The following HHLA1 variants were observed in gnomAD, a reference collection of about 807,000 sequenced individuals.
HHLA1 encodes HERV-H LTR-associating protein 1.
HHLA1 carries 72 observed loss-of-function variants against 69.9 expected under a neutral mutation model. The observed-to-expected ratio is 1.03, with a 90% confidence interval of 0.85 to 1.25. The LOEUF (loss-of-function observed/expected upper bound fraction) is 1.25. Among genes scored for constraint, HHLA1 ranks in the 50% most tolerant of loss-of-function variants. The probability of loss-of-function intolerance (pLI) is 0.00; values close to 1 mark genes in which losing one functional copy is unlikely to be tolerated. For missense variants in HHLA1, 685 were observed against 642.2 expected (o/e 1.07, Z -0.72); for synonymous variants, 252 against 233.2 (o/e 1.08, Z -0.73).
intron 10 of HHLA1, chr8:132,080,357 G>T: frequency 2.9e-6 from 1 of 349,470 alleles, no homozygotes; most frequent in South Asian, 2.2e-5. Context: ...GGAGATAAGG[G>T]TGGGGCCGTT....
intron 3 of HHLA1, among the ~76,000 whole-genome samples, chr8:132,102,259 T>C (rs1824121808): frequency 6.6e-6 from 1 of 152,254 alleles, no homozygotes; most frequent in Non-Finnish European, 1.5e-5. Context: ...GACATTTAGG[T>C]TGCTATCTTC....
chr8:132,104,560 A>G (rs1318157577), intron 2 of HHLA1, among the ~76,000 whole-genome samples: 2 of 152,210 alleles, frequency 1.3e-5, no homozygotes, highest in African/African-American at 4.8e-5. Flanking sequence ...GCATTTGAGT[A>G]GGATTTATCT....
chr8:132,104,536 C>G (rs1824172491), intron 2 of HHLA1, among the ~76,000 whole-genome samples: 1 of 151,984 alleles, frequency 6.6e-6, no homozygotes, highest in Non-Finnish European at 1.5e-5. Context: ...GAGCTGAGCT[C>G]TGAAGAATGA....
At chr8:132,068,671 T>A (rs927462103) in intron 15 of HHLA1, among the ~76,000 whole-genome samples, 2 of 152,238 alleles carry the variant, frequency 1.3e-5, no homozygotes, top group Admixed American at 1.3e-4. Context: ...TAGGTATGTC[T>A]ATCTAAATTC....
At chr8:132,084,184 G>A (rs1378612142) in intron 10 of HHLA1, among the ~76,000 whole-genome samples, 8 of 152,254 alleles carry the variant, frequency 5.3e-5, no homozygotes, top group South Asian at 2.1e-4. Context: ...GTCAGGGAAC[G>A]AAACTGTAAG....
chr8:132,089,399 G>A (rs534571151), intron 8 of HHLA1, 117 bp downstream of exon 8: 17 of 692,764 alleles, frequency 2.5e-5, no homozygotes, highest in Admixed American at 1.7e-4. Flanking sequence ...TTACATGAAC[G>A]TTTCTGGCAG....
chr8:132,099,406 C>A (rs897159956), intron 4 of HHLA1, among the ~76,000 whole-genome samples: 2 of 152,208 alleles, frequency 1.3e-5, no homozygotes, highest in African/African-American at 4.8e-5. Flanking sequence ...TTTAATTACA[C>A]AATTCCAGTA....
In HHLA1 at chr8:132,095,755, G is replaced by A. The variant is rs997187305; in HGVS notation, c.312C>T (p.Val104=). The A allele has an allele frequency of 6.4e-7, 1 of 1,551,128 alleles. No homozygotes were observed. Among genetic ancestry groups the A allele is most frequent in the African/African-American group, 1.4e-5 (1 of 73,032 alleles). The change falls in exon 6 of 17, where the codon GTC becomes GTT. Residue 104 remains valine (V), a synonymous_variant. Transcript: ENST00000414222. Reference sequence around the variant, plus strand: ...GGAAGGCGAAGGAACTGTAGGAAGTGACACTCAGCAAGGAGAAGAACTTCT... The same window carrying A: ...GGAAGGCGAAGGAACTGTAGGAAGTAACACTCAGCAAGGAGAAGAACTTCT... ...DSKKFFSLLS[V]TSYSSFAFHK... is the part of the protein sequence containing the mutation.
intron 1 of HHLA1, among the ~76,000 whole-genome samples, chr8:132,106,179 G>T (rs77035498): frequency 0.019 from 2,942 of 152,274 alleles, 111 homozygotes; most frequent in African/African-American, 0.068. Flanking sequence ...CATTGGTAGA[G>T]GGTTGGATTT....
chr8:132,099,341 C>T (rs553995330), intron 4 of HHLA1, among the ~76,000 whole-genome samples: 5 of 152,332 alleles, frequency 3.3e-5, no homozygotes, highest in South Asian at 4.1e-4. Context: ...CCCATGTAAA[C>T]GTGGGGTCCA....
chr8:132,095,731 G>A lies in HHLA1; in HGVS notation c.336C>T (p.Phe112=). 1 of 1,551,344 alleles carries A rather than the reference G, an allele frequency of 6.4e-7. No individual in the cohort carries two copies. Among genetic ancestry groups the A allele is most frequent in the Non-Finnish European group, 8.7e-7 (1 of 1,146,856 alleles). ...TGTAAACAGCTACAGAAAACTTGTG[G>A]AAGGCGAAGGAACTGTAGGAAGTGA... ...LSVTSYSSFA[F]HKFSVAVYNI... Residue 112 remains phenylalanine (F), a synonymous_variant, in exon 6 of 17, where the codon TTC becomes TTT. Transcript: ENST00000414222.
At chr8:132,103,184 C>T in intron 3 of HHLA1, among the ~76,000 whole-genome samples, 1 of 152,102 alleles carries the variant, frequency 6.6e-6, no homozygotes, top group East Asian at 1.9e-4. Flanking sequence ...GGAAAGTTAT[C>T]CTACTTACAC....
Position 132,090,776 on chromosome 8 carries a change from T to G in HHLA1, c.449-1177A>C, listed in dbSNP as rs1431570661. Among the ~76,000 whole-genome samples the G allele has an allele frequency of 1.6e-3, 169 of 106,972 alleles. 2 individuals are homozygous for G. In the East Asian group the frequency reaches 0.039, roughly 25 times the overall value. 70.2% of individuals were successfully genotyped at this position (106,972 alleles called of 152,430 possible). A position where few individuals can be genotyped will look rare whatever the true frequency, so the allele number is the denominator to read the frequency against. On this transcript the variant is annotated intron_variant, in intron 7 of 16. Coordinates refer to ENST00000414222, the MANE Select transcript of HHLA1 (RefSeq NM_001145095.3). ...CTCTCTTTTTTTTTTTTTTTTTTTT[T>G]GAGATGGAGTCTCGCTCTGTGGCCC... is the stretch of plus-strand genomic sequence containing the variant.
intron 10 of HHLA1, among the ~76,000 whole-genome samples, chr8:132,086,066 AG>A (rs1823855746): frequency 6.6e-6 from 1 of 152,180 alleles, no homozygotes; most frequent in Non-Finnish European, 1.5e-5. Context: ...CTTGAAAAAC[AG>A]GCTCCCATAG....
At chr8:132,088,279 G>A (rs1563745905) in intron 8 of HHLA1, among the ~76,000 whole-genome samples, 2 of 152,168 alleles carry the variant, frequency 1.3e-5, no homozygotes. Context: ...ATCTCTGTAA[G>A]ACAACATGTT....
At position 132,092,702 on chromosome 8, in the gene HHLA1, T is replaced by A. The variant is rs545942939; in HGVS notation, c.448+2817A>T. On this transcript the variant is annotated intron_variant, in intron 7 of 16. Coordinates refer to ENST00000414222, the MANE Select transcript of HHLA1 (RefSeq NM_001145095.3). ...TGAGCAGAAGCACTCATGCTTCCTG[T>A]ACAGCCTGCAGAACCATGAGCTGAT... Among the ~76,000 whole-genome samples, 3 of 152,336 alleles carry A rather than the reference T, an allele frequency of 2.0e-5. No individual in the cohort carries two copies. In the South Asian group the frequency reaches 6.2e-4, roughly 32 times the overall value.
At chr8:132,103,645 G>A (rs1305178053) in intron 3 of HHLA1, among the ~76,000 whole-genome samples, 1 of 149,956 alleles carries the variant, frequency 6.7e-6, no homozygotes, top group African/African-American at 2.4e-5. Context: ...AAATAAATAA[G>A]TATAAAAAGT....
chr8:132,078,188 AC>A (rs1823680853), intron 11 of HHLA1, among the ~76,000 whole-genome samples: 1 of 151,362 alleles, frequency 6.6e-6, no homozygotes, highest in South Asian at 2.1e-4. Flanking sequence ...ACACACACAC[AC>A]ACACACACAC....
intron 7 of HHLA1, among the ~76,000 whole-genome samples, chr8:132,094,571 A>G (rs1823992543): frequency 6.6e-6 from 1 of 152,034 alleles, no homozygotes; most frequent in East Asian, 1.9e-4. Flanking sequence ...GGCCCCTCAC[A>G]TCCTGAAGGT....
Sources: gnomAD v4.1 joint callset for allele counts (sites outside exome capture counted in the v4.1 genomes callset) on GRCh38, gnomAD v4.1.1 for gene constraint, MANE v1.5 for transcripts, NCBI Gene and HGNC (gene_info 2026-07-23, HGNC 2026-07-21) for gene names.